Variants in GNAQ observed in about 807,000 individuals in gnomAD.
The protein encoded by GNAQ is G protein subunit alpha q, also known as guanine nucleotide-binding protein G(q) subunit alpha.
A neutral mutation model predicts 43.9 loss-of-function variants in GNAQ; 8 were observed. The ratio of observed to expected loss-of-function variants is 0.18; its 90% CI spans 0.11 to 0.33. GNAQ has a LOEUF of 0.33. Ranked by LOEUF, GNAQ falls within the 10% of genes least tolerant of loss-of-function variation. The pLI, the probability that GNAQ is intolerant of heterozygous loss-of-function variation, is 1.00. For missense variants in GNAQ, 158 were observed against 450.8 expected, an observed-to-expected ratio of 0.35 and a Z score of 5.88; for synonymous variants, 155 against 170.7, an observed-to-expected ratio of 0.91 and a Z score of 0.71.
intron 5 of GNAQ, among the ~76,000 whole-genome samples, chr9:77,745,043 G>A (rs1825708855): frequency 6.6e-6 from 1 of 152,232 alleles, no homozygotes; most frequent in Admixed American, 6.5e-5. Context: ...CAATCAGGCT[G>A]AGATTTGTGT....
At chr9:77,937,604 A>G (rs1829249916) in intron 1 of GNAQ, among the ~76,000 whole-genome samples, 1 of 151,938 alleles carries the variant, frequency 6.6e-6, no homozygotes, top group Admixed American at 6.6e-5. Flanking sequence ...ACTACTTAGA[A>G]AAGCTTGGCC....
chr9:77,783,768 A>G (rs769668112), intron 5 of GNAQ, among the ~76,000 whole-genome samples: 14 of 152,182 alleles, frequency 9.2e-5, no homozygotes, highest in Non-Finnish European at 1.6e-4. Context: ...TTTAAAAAAG[A>G]ATTATTTTTG....
At chr9:77,946,681 A>C (rs1044887020) in intron 1 of GNAQ, among the ~76,000 whole-genome samples, 3 of 152,246 alleles carry the variant, frequency 2.0e-5, no homozygotes, top group Admixed American at 6.5e-5. Context: ...TGTTAACTGC[A>C]GTCTTTATTT....
intron 5 of GNAQ, among the ~76,000 whole-genome samples, chr9:77,745,373 G>C (rs1371359580): frequency 6.6e-6 from 1 of 152,036 alleles, no homozygotes; most frequent in Non-Finnish European, 1.5e-5. Context: ...AAAATACTGA[G>C]ACCTAAGCAA....
At chr9:77,960,190 T>C (rs1371650754) in intron 1 of GNAQ, among the ~76,000 whole-genome samples, 1 of 152,174 alleles carries the variant, frequency 6.6e-6, no homozygotes, top group African/African-American at 2.4e-5. Flanking sequence ...TGTTTTATTT[T>C]TGTATTGCAT....
At chr9:77,924,964 G>C (rs1393013796) in intron 1 of GNAQ, among the ~76,000 whole-genome samples, 2 of 151,822 alleles carry the variant, frequency 1.3e-5, no homozygotes, top group Non-Finnish European at 2.9e-5. Context: ...GGGACAAACA[G>C]GAAGGGGCAT....
intron 3 of GNAQ, among the ~76,000 whole-genome samples, chr9:77,811,534 T>C (rs913789245): frequency 6.6e-6 from 1 of 152,162 alleles, no homozygotes; most frequent in African/African-American, 2.4e-5. Flanking sequence ...ATGTTTAACA[T>C]ATGGGACCTA....
chr9:77,842,956 A>G (rs1020958861), intron 2 of GNAQ, among the ~76,000 whole-genome samples: 3 of 152,238 alleles, frequency 2.0e-5, no homozygotes, highest in Non-Finnish European at 2.9e-5. Context: ...ATGACAGACC[A>G]TAAAGTCTTT....
At chr9:77,941,043 A>G (rs1447639992) in intron 1 of GNAQ, among the ~76,000 whole-genome samples, 1 of 152,240 alleles carries the variant, frequency 6.6e-6, no homozygotes, top group Admixed American at 6.5e-5. Context: ...GTAACAACTA[A>G]AAAATAATTT....
intron 1 of GNAQ, among the ~76,000 whole-genome samples, chr9:78,001,243 CA>C (rs1003824792): frequency 1.3e-5 from 2 of 150,636 alleles, no homozygotes; most frequent in Admixed American, 6.6e-5. Context: ...ACTAAAAATA[CA>C]AAAAAAAATT....
chr9:77,736,037 G>A (rs79684460), intron 5 of GNAQ, among the ~76,000 whole-genome samples: 1,877 of 152,230 alleles, frequency 0.012, 40 homozygotes, highest in African/African-American at 0.042. Flanking sequence ...TAGGCAATTT[G>A]CTCCTCTCAA....
intron 5 of GNAQ, among the ~76,000 whole-genome samples, chr9:77,781,020 CT>C (rs1251566553): frequency 1.3e-5 from 2 of 150,342 alleles, no homozygotes; most frequent in Admixed American, 1.3e-4. Flanking sequence ...TATTAACCCC[CT>C]GTTGGATGAA....
chr9:77,783,766 A>T (rs780088089), intron 5 of GNAQ, among the ~76,000 whole-genome samples: 1 of 152,238 alleles, frequency 6.6e-6, no homozygotes, highest in African/African-American at 2.4e-5. Context: ...ACTTTAAAAA[A>T]GAATTATTTT....
intron 5 of GNAQ, among the ~76,000 whole-genome samples, chr9:77,741,096 G>A (rs4745667): frequency 0.94 from 143,778 of 152,336 alleles, 67,926 homozygotes; most frequent in East Asian, 1. Context: ...AAATGTAAAA[G>A]CCAATTTTAG....
chr9:77,756,061 T>G lies in GNAQ; in HGVS notation c.736-27394A>C, dbSNP rs1319953471. 2.6e-5 allele frequency among the ~76,000 whole-genome samples: 4 copies of G among 152,176 alleles called. No homozygotes were observed. The South Asian group carries it at 8.3e-4, about 32-fold the overall frequency. ...AGAACATGGAAAGACTAGACTGGCTTAGCCTCCGAGCCTACATCTTTCTCC... is the reference window on the plus strand; with the variant it reads ...AGAACATGGAAAGACTAGACTGGCTGAGCCTCCGAGCCTACATCTTTCTCC... On this transcript the variant is annotated intron_variant, in intron 5 of 6. Transcript: ENST00000286548.
At chr9:77,993,333 G>C (rs528615609) in intron 1 of GNAQ, among the ~76,000 whole-genome samples, 1 of 152,216 alleles carries the variant, frequency 6.6e-6, no homozygotes, top group South Asian at 2.1e-4. Flanking sequence ...TATAAGTAAA[G>C]CAAAGCAAAC....
chr9:77,844,024 G>A (rs559444557), intron 2 of GNAQ, among the ~76,000 whole-genome samples: 1 of 152,260 alleles, frequency 6.6e-6, no homozygotes, highest in African/African-American at 2.4e-5. Flanking sequence ...AATGCAATCT[G>A]CCACGGAGAC....
At chr9:77,906,208 T>C (rs1485706605) in intron 2 of GNAQ, among the ~76,000 whole-genome samples, 3 of 152,214 alleles carry the variant, frequency 2.0e-5, no homozygotes. Context: ...TTTGAAAATA[T>C]CTTAATCTCT....
chr9:77,772,689 T>C (rs1826245890), intron 5 of GNAQ, among the ~76,000 whole-genome samples: 3 of 152,204 alleles, frequency 2.0e-5, no homozygotes, highest in African/African-American at 7.2e-5. Context: ...CCCTGGTTCT[T>C]CCTGGTTACG....
Sources: gnomAD v4.1 joint callset for allele counts (sites outside exome capture counted in the v4.1 genomes callset) on GRCh38, gnomAD v4.1.1 for gene constraint, MANE v1.5 for transcripts, NCBI Gene and HGNC (gene_info 2026-07-23, HGNC 2026-07-21) for gene names.